SH3KBP1: variants seen among roughly 807,000 people sequenced by gnomAD.
SH3KBP1 encodes SH3 domain containing kinase binding protein 1.
In SH3KBP1, 8 loss-of-function variants were observed where a neutral mutation model predicts 50.1. That is an observed-to-expected ratio of 0.16 (90% CI 0.09 to 0.29). The LOEUF (loss-of-function observed/expected upper bound fraction) is 0.29. SH3KBP1 is among the 10% of genes least tolerant of loss of function. The probability of loss-of-function intolerance (pLI) is 1.00; values close to 1 mark genes in which losing one functional copy is unlikely to be tolerated. For missense variants in SH3KBP1, 377 were observed against 535.2 expected, an observed-to-expected ratio of 0.70 and a Z score of 2.92; for synonymous variants, 227 against 218.6, an observed-to-expected ratio of 1.04 and a Z score of -0.34.
chrX:19,542,287 C>A, intron 15 of SH3KBP1, 94 bp from the exon 16 acceptor site: 1 of 855,259 alleles, frequency 1.2e-6, no homozygotes, highest in South Asian at 2.9e-5. Flanking sequence ...ACACCACTGT[C>A]CCCGCCTCTC....
chrX:19,550,858 G>T (rs772531859), intron 13 of SH3KBP1, among the ~76,000 whole-genome samples: 1 of 110,673 alleles, frequency 9.0e-6, no homozygotes, highest in Non-Finnish European at 1.9e-5. Flanking sequence ...CTAGTGCCCA[G>T]ACTTCTTGCC....
At chrX:19,700,612 G>A (rs1206193716) in intron 4 of SH3KBP1, among the ~76,000 whole-genome samples, 3 of 111,562 alleles carry the variant, frequency 2.7e-5, no homozygotes, top group Admixed American at 9.5e-5. Context: ...TTTAAATATC[G>A]CTGAAAATAA....
chrX:19,641,265 A>C (rs1261769935), intron 7 of SH3KBP1, among the ~76,000 whole-genome samples: 1 of 112,200 alleles, frequency 8.9e-6, no homozygotes, highest in Non-Finnish European at 1.9e-5. Flanking sequence ...CTAACCACTC[A>C]GACTCCAGAA....
chrX:19,760,397 A>AATAAATAAATAC (rs1556346919), intron 2 of SH3KBP1, among the ~76,000 whole-genome samples: 9 of 96,639 alleles, frequency 9.3e-5, no homozygotes, highest in African/African-American at 3.3e-4. Context: ...AAAATAAATA[A>AATAAATAAATAC]ATACATACAT....
At chrX:19,641,189 G>A (rs1602774062) in intron 7 of SH3KBP1, among the ~76,000 whole-genome samples, 1 of 112,238 alleles carries the variant, frequency 8.9e-6, no homozygotes, top group African/African-American at 3.2e-5. Flanking sequence ...GCAGTGGCTG[G>A]TAAGAAGAGA....
Position 19,834,978 on chromosome X carries a change from T to C in SH3KBP1, c.162+1147A>G, listed in dbSNP as rs1343603769. On this transcript the variant is annotated intron_variant, in intron 2 of 17. Coordinates refer to ENST00000397821, the MANE Select transcript of SH3KBP1 (RefSeq NM_031892.3). ...TGAACCTGGGAGGTGGAGGTTGCAG[T>C]GAGCTGAGAACAAGATCATGCCACT... Among the ~76,000 whole-genome samples, 3 of 102,910 alleles carry C rather than the reference T, an allele frequency of 2.9e-5. No individual in the cohort carries two copies. In the Admixed American group the frequency reaches 3.3e-4, roughly 11 times the overall value. The allele number at this position is 102,910 out of a possible 115,157, so 89.4% of individuals were successfully genotyped here. A position where few individuals can be genotyped will look rare whatever the true frequency, so the allele number is the denominator to read the frequency against.
Position 19,667,813 on chromosome X carries a change from T to C in SH3KBP1, c.726+16010A>G, listed in dbSNP as rs751556631. Among the ~76,000 whole-genome samples the C allele has an allele frequency of 1.7e-3, 82 of 46,866 alleles. 1 individual carries two copies. In the South Asian group the frequency reaches 0.055, roughly 32 times the overall value. 40.7% of individuals were successfully genotyped at this position (46,866 alleles called of 115,157 possible). A position where few individuals can be genotyped will look rare whatever the true frequency, so the allele number is the denominator to read the frequency against. On this transcript the variant is annotated intron_variant, in intron 6 of 17. Coordinates refer to ENST00000397821, the MANE Select transcript of SH3KBP1 (RefSeq NM_031892.3). Reference sequence around the variant, plus strand: ...AAGTCTTACTTTTGTTCTGTTGGGATTTTTTTTTTTTTTTTTTTTTTTTTT... The same window carrying C: ...AAGTCTTACTTTTGTTCTGTTGGGACTTTTTTTTTTTTTTTTTTTTTTTTT...
intron 14 of SH3KBP1, 54 bp downstream of exon 14, chrX:19,549,920 C>T: frequency 1.1e-6 from 1 of 926,689 alleles, no homozygotes; most frequent in Non-Finnish European, 1.5e-6. Flanking sequence ...CTAATCTGTC[C>T]TGCTTTTCCG....
At chrX:19,676,386 T>C (rs2062929589) in intron 6 of SH3KBP1, among the ~76,000 whole-genome samples, 1 of 111,484 alleles carries the variant, frequency 9.0e-6, no homozygotes, top group Non-Finnish European at 1.9e-5. Context: ...GGATGGTTAA[T>C]GCGTACATAA....
intron 13 of SH3KBP1, among the ~76,000 whole-genome samples, chrX:19,551,799 A>C (rs890819344): frequency 9.0e-6 from 1 of 110,708 alleles, no homozygotes; most frequent in African/African-American, 3.3e-5. Flanking sequence ...TCCTCTACTG[A>C]GTCCATGTTG....
At chrX:19,538,690 G>A (rs1307627349) in intron 16 of SH3KBP1, among the ~76,000 whole-genome samples, 7 of 110,009 alleles carry the variant, frequency 6.4e-5, no homozygotes, top group South Asian at 3.9e-4. Context: ...GGGTTCAAGC[G>A]ATTCTCCTGC....
intron 12 of SH3KBP1, 178 bp downstream of exon 12, chrX:19,588,465 G>GGA: frequency 8.5e-7 from 1 of 1,179,579 alleles, no homozygotes; most frequent in Non-Finnish European, 1.1e-6. Flanking sequence ...CCTGAGTGCA[G>GGA]GAGCAAGGAC....
chrX:19,662,878 T>C (rs2062497580), intron 6 of SH3KBP1, among the ~76,000 whole-genome samples: 1 of 108,363 alleles, frequency 9.2e-6, no homozygotes, highest in South Asian at 4.1e-4. Flanking sequence ...TCAGTAAATG[T>C]AGTTAAGATG....
chrX:19,761,037 A>C (rs1193316871), intron 2 of SH3KBP1, among the ~76,000 whole-genome samples: 1 of 105,432 alleles, frequency 9.5e-6, no homozygotes, highest in Non-Finnish European at 1.9e-5. Flanking sequence ...CAGGACAGTC[A>C]ATGAGAGAGA....
intron 9 of SH3KBP1, among the ~76,000 whole-genome samples, chrX:19,598,779 C>T (rs1054197813): frequency 9.0e-6 from 1 of 111,399 alleles, no homozygotes; most frequent in African/African-American, 3.3e-5. Context: ...TATATGGGCA[C>T]AGTTTATGGT....
At chrX:19,721,105 G>A (rs773166487) in intron 3 of SH3KBP1, among the ~76,000 whole-genome samples, 1 of 110,796 alleles carries the variant, frequency 9.0e-6, no homozygotes, top group Non-Finnish European at 1.9e-5. Flanking sequence ...ATCCCCATCA[G>A]AATAAAGAGG....
intron 10 of SH3KBP1, among the ~76,000 whole-genome samples, chrX:19,593,650 C>G (rs1220755765): frequency 9.1e-6 from 1 of 110,449 alleles, no homozygotes; most frequent in Non-Finnish European, 1.9e-5. Context: ...ATCTACTCAC[C>G]TAACAATAAT....
intron 2 of SH3KBP1, among the ~76,000 whole-genome samples, chrX:19,775,863 A>G (rs1467764918): frequency 8.9e-6 from 1 of 112,242 alleles, no homozygotes; most frequent in East Asian, 2.8e-4. Context: ...TCACTGAAAC[A>G]GCCATAATAT....
At chrX:19,683,786 C>A in intron 6 of SH3KBP1, 37 bp downstream of exon 6, 1 of 1,160,079 alleles carries the variant, frequency 8.6e-7, no homozygotes, top group Non-Finnish European at 1.2e-6. Flanking sequence ...GGATATTCCA[C>A]ATTAAGTTGA....
Sources: allele counts gnomAD v4.1 joint callset (sites outside exome capture counted in the v4.1 genomes callset), GRCh38; gene constraint gnomAD v4.1.1; transcripts MANE v1.5; gene names NCBI Gene and HGNC (gene_info 2026-07-23, HGNC 2026-07-21).